Variants in ZYX observed in about 807,000 individuals in gnomAD.
The protein encoded by ZYX is zyxin.
In ZYX, 37 loss-of-function variants were observed where a neutral mutation model predicts 58.1. That is an observed-to-expected ratio of 0.64 (90% CI 0.49 to 0.84). The LOEUF (loss-of-function observed/expected upper bound fraction) is 0.84. Ranked by LOEUF, ZYX falls within the 40% of genes least tolerant of loss-of-function variation. The probability of loss-of-function intolerance (pLI) is 0.00; values close to 1 mark genes in which losing one functional copy is unlikely to be tolerated. For missense variants in ZYX, 762 were observed against 761.6 expected, an observed-to-expected ratio of 1.00 and a Z score of -0.01; for synonymous variants, 324 against 321.1, an observed-to-expected ratio of 1.01 and a Z score of -0.10.
chr7:143,383,050 C>A lies in ZYX; in HGVS notation c.751C>A (p.Gln251Lys). The A allele has an allele frequency of 6.2e-7, 1 of 1,614,166 alleles. No individual in the cohort carries two copies. Among genetic ancestry groups the A allele is most frequent in the Non-Finnish European group, 8.5e-7 (1 of 1,180,028 alleles). Residue 251 changes from glutamine (Q) to lysine (K), a missense_variant, in exon 5 of 10, where the codon CAG becomes AAG. Gln to Lys is a moderately conservative substitution (Grantham distance 53). Transcript: ENST00000322764. ...CCAGCCTGTGTCTTTGGCTAACACC[C>A]AGCCCCGAGGGCCCCCAGCCTCATC... ...QTQPVSLANT[Q>K]PRGPPASSPA... is the part of the protein sequence containing the mutation.
chr7:143,383,427 C>CGG lies in ZYX; in HGVS notation c.1023+109_1023+110dup, dbSNP rs1804733712. On this transcript the variant is annotated intron_variant, in intron 5 of 9. Transcript: ENST00000322764. ...GGTGATTGGAGAGTCAGGGTGGACA[C>CGG]GGGGGTTGCGGGGTGGCGGGATAGG... 3.9e-6 allele frequency: 4 copies of CGG among 1,034,426 alleles called. No individual in the cohort carries two copies. In the South Asian group the frequency reaches 5.0e-5, roughly 13 times the overall value. The allele number at this position is 1,034,426 out of a possible 1,614,324, so 64.1% of individuals were successfully genotyped here. A position where few individuals can be genotyped will look rare whatever the true frequency, so the allele number is the denominator to read the frequency against.
rs374576655 is a variant in ZYX, at chr7:143,382,228, C to T, written c.209-20C>T. On this transcript the variant is annotated intron_variant, in intron 2 of 9. Coordinates refer to ENST00000322764, the MANE Select transcript of ZYX (RefSeq NM_003461.5). Reference sequence around the variant, plus strand: ...GGGGTAGAGGGACCCCGGCCGACGTCTTTCTCCTTCCTACCCCAGACTTTC... The same window carrying T: ...GGGGTAGAGGGACCCCGGCCGACGTTTTTCTCCTTCCTACCCCAGACTTTC... The T allele has an allele frequency of 3.5e-5, 57 of 1,609,358 alleles. No individual in the cohort carries two copies. The highest frequency in any genetic ancestry group is 4.3e-5 in the Non-Finnish European group (51 of 1,177,566).
rs926994257 is a variant in ZYX at position 143,387,534 on chromosome 7, AC to A, written c.1024-679del. Among the ~76,000 whole-genome samples, 4 of 151,790 alleles carry A rather than the reference AC, an allele frequency of 2.6e-5. No individual in the cohort carries two copies. The highest frequency in any genetic ancestry group is 3.2e-3 in the Middle Eastern group (1 of 314). On this transcript the variant is annotated intron_variant, in intron 5 of 9. Transcript: ENST00000322764. The surrounding 1 kb of genome is among the most constrained non-coding windows in gnomAD (Gnocchi z 5.8). ...ACTGGCAGCGCTGTCCTTAACATCC[AC>A]CCCCCACTCCAGTCCCCGGGATCCC...
Position 143,383,070 on chromosome 7 carries a change from C to A in ZYX, c.771C>A (p.Ala257=), listed in dbSNP as rs141741451. The A allele has an allele frequency of 4.3e-6, 7 of 1,614,234 alleles. No individual in the cohort carries two copies. The South Asian group carries it at 7.7e-5, about 18-fold the overall frequency. The change falls in exon 5 of 10, where the codon GCC becomes GCA. Residue 257 remains alanine, a synonymous_variant. Transcript: ENST00000322764. ...LANTQPRGPP[A]SSPAPAPKFS... ...ACACCCAGCCCCGAGGGCCCCCAGC[C>A]TCATCTCCGGCTCCAGCCCCTAAGT...
At chr7:143,385,525 TGTGA>T (rs1804826116) in intron 5 of ZYX, among the ~76,000 whole-genome samples, 1 of 151,888 alleles carries the variant, frequency 6.6e-6, no homozygotes, top group South Asian at 2.1e-4. Flanking sequence ...TGTGTGCATG[TGTGA>T]GTGTGGCTGT....
Position 143,382,364 on chromosome 7 carries a change from C to T in ZYX, c.325C>T (p.Leu109=), listed in dbSNP as rs1277623091. The T allele has an allele frequency of 3.1e-6, 5 of 1,595,068 alleles. No individual in the cohort carries two copies. Among genetic ancestry groups the T allele is most frequent in the Non-Finnish European group, 4.3e-6 (5 of 1,169,858 alleles). The change falls in exon 3 of 10, where the codon CTG becomes TTG. Residue 109 remains leucine, a synonymous_variant. Coordinates refer to ENST00000322764, the MANE Select transcript of ZYX (RefSeq NM_003461.5). ...PIEESFPPAP[L]EEEIFPSPPP... is the part of the protein sequence containing the mutation. ...CGAGGAATCATTTCCCCCTGCGCCTCTGGAGGAGGAGATCTTCCCTTCCCC... is the reference window on the plus strand; with the variant it reads ...CGAGGAATCATTTCCCCCTGCGCCTTTGGAGGAGGAGATCTTCCCTTCCCC...
At position 143,385,361 on chromosome 7, in the gene ZYX, C is replaced by T. The variant is rs111537238; in HGVS notation, c.1023+2039C>T. Among the ~76,000 whole-genome samples, 324 of 149,416 alleles carry T rather than the reference C, an allele frequency of 2.2e-3. 3 individuals are homozygous for T. The highest frequency in any genetic ancestry group is 7.5e-3 in the African/African-American group (305 of 40,634). ...TACACATATGTGAATATATGAGTGGCGTGTGTGTGTGTGTTAGTGTGTGGG... is the reference window on the plus strand; with the variant it reads ...TACACATATGTGAATATATGAGTGGTGTGTGTGTGTGTGTTAGTGTGTGGG... On this transcript the variant is annotated intron_variant, in intron 5 of 9. Transcript: ENST00000322764.
rs756458976 is a variant in ZYX, at chr7:143,387,723, C to T, written c.1024-496C>T. 7 of 471,304 alleles carry T rather than the reference C, an allele frequency of 1.5e-5. No homozygotes were observed. Among genetic ancestry groups the T allele is most frequent in the East Asian group, 7.0e-5 (1 of 14,384 alleles). The allele number at this position is 471,304 out of a possible 1,614,324, so 29.2% of individuals were successfully genotyped here. A position where few individuals can be genotyped will look rare whatever the true frequency, so the allele number is the denominator to read the frequency against. ...CTTGCAGACAGCTCAGTGGGTTTAA[C>T]CTGCAATTCCTGCCTGTGTTGTATC... On this transcript the variant is annotated intron_variant, in intron 5 of 9. Coordinates refer to ENST00000322764, the MANE Select transcript of ZYX (RefSeq NM_003461.5). This position sits in a 1 kb window ranked among gnomAD's most constrained non-coding sequence, Gnocchi z 5.8.
At chr7:143,383,922 G>T (rs1804763036) in intron 5 of ZYX, among the ~76,000 whole-genome samples, 1 of 152,228 alleles carries the variant, frequency 6.6e-6, no homozygotes, top group Non-Finnish European at 1.5e-5. Context: ...GACTGGGCAA[G>T]TTAGGTGAAC....
At chr7:143,386,501 G>A (rs1804872160) in intron 5 of ZYX, among the ~76,000 whole-genome samples, 1 of 152,074 alleles carries the variant, frequency 6.6e-6, no homozygotes, top group South Asian at 2.1e-4. Context: ...GCAGTGTTGT[G>A]AGCTCACGCT....
At chr7:143,385,815 T>G (rs1226359360) in intron 5 of ZYX, among the ~76,000 whole-genome samples, 1 of 151,842 alleles carries the variant, frequency 6.6e-6, no homozygotes, top group South Asian at 2.1e-4. Flanking sequence ...GGCTAATTTT[T>G]GTATTTTTTA....
chr7:143,384,778 G>T lies in ZYX; in HGVS notation c.1023+1456G>T, dbSNP rs1030872000. Among the ~76,000 whole-genome samples, 2 of 152,148 alleles carry T rather than the reference G, an allele frequency of 1.3e-5. No individual in the cohort carries two copies. The highest frequency in any genetic ancestry group is 6.6e-5 in the Admixed American group (1 of 15,264). On this transcript the variant is annotated intron_variant, in intron 5 of 9. Coordinates refer to ENST00000322764, the MANE Select transcript of ZYX (RefSeq NM_003461.5). The surrounding 1 kb of genome is among the most constrained non-coding windows in gnomAD (Gnocchi z 4.9). ...AGTCTCCAGCACGATTTGGAGATGG[G>T]GTGTGGGCGGATGGCAGGATTGCTG...
At position 143,387,799 on chromosome 7, in the gene ZYX, T is replaced by C. The variant is rs1420098927; in HGVS notation, c.1024-420T>C. On this transcript the variant is annotated intron_variant, in intron 5 of 9. Transcript: ENST00000322764. The surrounding 1 kb of genome is among the most constrained non-coding windows in gnomAD (Gnocchi z 5.8). Reference sequence around the variant, plus strand: ...AGCAGGCAGGCCGGGTAGGTGTGTGTGCGCGTGTGTGCACGCCATTGCGTG... The same window carrying C: ...AGCAGGCAGGCCGGGTAGGTGTGTGCGCGCGTGTGTGCACGCCATTGCGTG... The C allele has an allele frequency of 4.2e-6, 2 of 474,288 alleles. No individual in the cohort carries two copies. Among genetic ancestry groups the C allele is most frequent in the Non-Finnish European group, 8.7e-6 (2 of 229,250 alleles). The allele number at this position is 474,288 out of a possible 1,614,324, so 29.4% of individuals were successfully genotyped here.
Position 143,385,660 on chromosome 7 carries a change from C to CTTTTTTTTTTTTTTTTTTTT in ZYX, c.1023+2345_1023+2364dup, listed in dbSNP as rs59995035. Among the ~76,000 whole-genome samples, 20 of 68,968 alleles carry CTTTTTTTTTTTTTTTTTTTT rather than the reference C, an allele frequency of 2.9e-4. 1 individual carries two copies. The highest frequency in any genetic ancestry group is 1.4e-3 in the South Asian group (2 of 1,444). The allele number at this position is 68,968 out of a possible 152,430, so 45.2% of individuals were successfully genotyped here. A position where few individuals can be genotyped will look rare whatever the true frequency, so the allele number is the denominator to read the frequency against. ...TGTGTGAGCGTGTGGTGTGGTATAT[C>CTTTTTTTTTTTTTTTTTTTT]TTTTTTTTTTTTTTTTTTTTTTTTT... On this transcript the variant is annotated intron_variant, in intron 5 of 9. Coordinates refer to ENST00000322764, the MANE Select transcript of ZYX (RefSeq NM_003461.5).
At chr7:143,381,433 C>T in intron 1 of ZYX, 24 bp downstream of exon 1, 11 of 1,265,928 alleles carry the variant, frequency 8.7e-6, no homozygotes, top group African/African-American at 1.6e-5. Flanking sequence ...AGCGGCAGGG[C>T]GGCCCCACGG....
intron 2 of ZYX, 57 bp from the exon 3 acceptor site, chr7:143,382,191 G>A (rs925685331): frequency 1.4e-5 from 20 of 1,444,750 alleles, no homozygotes; most frequent in Non-Finnish European, 1.5e-5. Flanking sequence ...TAACTGAGGG[G>A]AGCTTGGGTG....
In ZYX at chr7:143,388,440, G is replaced by C; in HGVS notation, c.1145-49G>C. ...TATCTGAGCTGGCTGATCCCTCGCA[G>C]CTCTACATACTTCCTTCTATTTACT... On this transcript the variant is annotated intron_variant, in intron 6 of 9. Coordinates refer to ENST00000322764, the MANE Select transcript of ZYX (RefSeq NM_003461.5). The surrounding 1 kb of genome is among the most constrained non-coding windows in gnomAD (Gnocchi z 7.5). 3 of 1,605,862 alleles carry C rather than the reference G, an allele frequency of 1.9e-6. No homozygotes were observed. The highest frequency in any genetic ancestry group is 2.6e-6 in the Non-Finnish European group (3 of 1,174,326).
chr7:143,384,310 G>A lies in ZYX; in HGVS notation c.1023+988G>A. 1 of 469,744 alleles carries A rather than the reference G, an allele frequency of 2.1e-6. No individual in the cohort carries two copies. Among genetic ancestry groups the A allele is most frequent in the Non-Finnish European group, 4.4e-6 (1 of 226,200 alleles). The allele number at this position is 469,744 out of a possible 1,614,324, so 29.1% of individuals were successfully genotyped here. The stretch of plus-strand genomic sequence containing the variant: ...AGTCAAATTAGGAAAGGCTTCGAAG[G>A]ATGGGCAGGACGTAAGAATCCAGAG... On this transcript the variant is annotated intron_variant, in intron 5 of 9. Coordinates refer to ENST00000322764, the MANE Select transcript of ZYX (RefSeq NM_003461.5). This position sits in a 1 kb window ranked among gnomAD's most constrained non-coding sequence, Gnocchi z 4.9.
In ZYX at chr7:143,389,939, C is replaced by T. The variant is rs2116598931; in HGVS notation, c.1576C>T (p.Leu526=). 6.2e-7 allele frequency: 1 copy of T among 1,614,138 alleles called. No homozygotes were observed. Among genetic ancestry groups the T allele is most frequent in the East Asian group, 2.2e-5 (1 of 44,874 alleles). The change falls in exon 9 of 10, where the codon CTG becomes TTG. Residue 526 remains leucine (L), a synonymous_variant. Coordinates refer to ENST00000322764, the MANE Select transcript of ZYX (RefSeq NM_003461.5). This position sits in a 1 kb window ranked among gnomAD's most constrained non-coding sequence, Gnocchi z 5.6. ...AGATGAGACTGTGCGAGTGGTCGCC[C>T]TGGACAAGAACTTCCACATGAAGTG... ...GRDETVRVVA[L]DKNFHMKCYK... is the part of the protein sequence containing the mutation.
Sources: allele counts gnomAD v4.1 joint callset (sites outside exome capture counted in the v4.1 genomes callset), GRCh38; gene constraint gnomAD v4.1.1; non-coding constraint Gnocchi (gnomAD v3.1); transcripts MANE v1.5; gene names NCBI Gene and HGNC (gene_info 2026-07-23, HGNC 2026-07-21).